SERPINF1: variants seen among roughly 807,000 people sequenced by gnomAD.
SERPINF1 encodes the protein serpin family F member 1, also known as pigment epithelium-derived factor.
A neutral mutation model predicts 37.3 loss-of-function variants in SERPINF1; 29 were observed. The ratio of observed to expected loss-of-function variants is 0.78; its 90% CI spans 0.58 to 1.06. The LOEUF (loss-of-function observed/expected upper bound fraction) is 1.06. SERPINF1 is among the 50% of genes least tolerant of loss of function. The pLI is 0.00. For missense variants in SERPINF1, 553 were observed against 532.2 expected (o/e 1.04, Z -0.38); for synonymous variants, 281 against 227.9 (o/e 1.23, Z -2.10).
chr17:1,771,460 G>A (rs1376044144), intron 4 of SERPINF1, among the ~76,000 whole-genome samples: 1 of 151,860 alleles, frequency 6.6e-6, no homozygotes, highest in Non-Finnish European at 1.5e-5. Flanking sequence ...GGATAGTCTC[G>A]ATCTCCTGAC....
chr17:1,776,902 G>A (rs952371774), intron 7 of SERPINF1, among the ~76,000 whole-genome samples, 160 bp downstream of exon 7: 2 of 151,344 alleles, frequency 1.3e-5, no homozygotes, highest in African/African-American at 4.9e-5. Flanking sequence ...AGGCTGAACT[G>A]CCTTCTCTCA....
intron 2 of SERPINF1, among the ~76,000 whole-genome samples, chr17:1,768,554 A>G (rs1445672248): frequency 1.3e-5 from 2 of 151,702 alleles, no homozygotes; most frequent in Admixed American, 6.6e-5. Flanking sequence ...GCTCACTGCA[A>G]TCTTGGCCTC....
At position 1,762,246 on chromosome 17, in the gene SERPINF1, C is replaced by G. The variant is rs571744776; in HGVS notation, c.-9+133C>G. 2.0e-5 allele frequency: 3 copies of G among 152,772 alleles called. No individual in the cohort carries two copies. The East Asian group carries it at 5.8e-4, about 29-fold the overall frequency. 9.5% of individuals were successfully genotyped at this position (152,772 alleles called of 1,614,324 possible). On this transcript the variant is annotated intron_variant, in intron 1 of 7. Transcript: ENST00000254722. ...GTGCAAGGGAGAGGAAATGCGGAGA[C>G]AGCAGCCCCTGCAATTTGGGCAAAA... is the stretch of plus-strand genomic sequence containing the variant.
At chr17:1,775,656 G>A (rs904616630) in intron 6 of SERPINF1, among the ~76,000 whole-genome samples, 9 of 150,834 alleles carry the variant, frequency 6.0e-5, no homozygotes, top group African/African-American at 2.0e-4. Context: ...CGATTCTCTT[G>A]CCTCAGCCTC....
intron 2 of SERPINF1, 92 bp from the exon 3 acceptor site, chr17:1,769,760 A>G: frequency 4.9e-6 from 7 of 1,429,958 alleles, no homozygotes; most frequent in Non-Finnish European, 4.9e-6. Context: ...AGGGGCCAGA[A>G]CCACCACCCT....
At chr17:1,775,374 G>GC (rs1652221900) in intron 6 of SERPINF1, among the ~76,000 whole-genome samples, 174 bp downstream of exon 6, 1 of 152,106 alleles carries the variant, frequency 6.6e-6, no homozygotes, top group African/African-American at 2.4e-5. Flanking sequence ...TTAAGATGGG[G>GC]CAGGGGATCG....
chr17:1,776,533 T>C lies in SERPINF1; in HGVS notation c.788T>C (p.Ile263Thr). 5.0e-6 allele frequency: 8 copies of C among 1,614,002 alleles called. No homozygotes were observed. Among genetic ancestry groups the C allele is most frequent in the South Asian group, 1.1e-5 (1 of 91,078 alleles). Reference sequence around the variant, plus strand: ...CACATGCTTTCTCACTTGTCTCAGATTGCCCAGCTGCCCTTGACCGGAAGC... The same window carrying C: ...CACATGCTTTCTCACTTGTCTCAGACTGCCCAGCTGCCCTTGACCGGAAGC... ...YGLDSDLSCK[I>T]AQLPLTGSMS... Residue 263 changes from isoleucine to threonine, a missense_variant and splice_region_variant, in exon 7 of 8, where the codon ATT becomes ACT. Transcript: ENST00000254722.
Position 1,769,966 on chromosome 17 carries a change from C to T in SERPINF1, c.199C>T (p.Arg67Trp), listed in dbSNP as rs764184658. 1.4e-5 allele frequency: 22 copies of T among 1,614,154 alleles called. No homozygotes were observed. Among genetic ancestry groups the T allele is most frequent in the Non-Finnish European group, 1.7e-5 (20 of 1,179,992 alleles). Reference protein sequence around the residue: ...AVSNFGYDLYRVRSSTSPTTN... With the variant: ...AVSNFGYDLYWVRSSTSPTTN... ...CTCCAACTTCGGCTATGACCTGTAC[C>T]GGGTGCGATCCAGCACGAGCCCCAC... Residue 67 changes from arginine to tryptophan, a missense_variant, in exon 3 of 8, where the codon CGG becomes TGG. Physicochemically the swap from Arg to Trp is moderately radical, Grantham distance 101 (BLOSUM62 -3). Coordinates refer to ENST00000254722, the MANE Select transcript of SERPINF1 (RefSeq NM_002615.7).
Position 1,771,046 on chromosome 17 carries a change from G to C in SERPINF1, c.301G>C (p.Glu101Gln), listed in dbSNP as rs765606146. 6.2e-7 allele frequency: 1 copy of C among 1,614,082 alleles called. No individual in the cohort carries two copies. The highest frequency in any genetic ancestry group is 1.1e-5 in the South Asian group (1 of 91,082). ...TCTGGCAGGAGCGGAGCAGCGAACA[G>C]AATCCATCATTCACCGGGCTCTCTA... is the stretch of plus-strand genomic sequence containing the variant. ...ALSLGAEQRT[E>Q]SIIHRALYYD... Residue 101 changes from glutamate to glutamine, a missense_variant, in exon 4 of 8, where the codon GAA becomes CAA. By Grantham distance (29) the Glu-to-Gln change is conservative (BLOSUM62 2). Transcript: ENST00000254722.
Position 1,775,208 on chromosome 17 carries a change from G to C in SERPINF1, c.786+8G>C. The C allele has an allele frequency of 6.2e-7, 1 of 1,612,590 alleles. No individual in the cohort carries two copies. On this transcript the variant is annotated splice_region_variant and intron_variant, in intron 6 of 7. Coordinates refer to ENST00000254722, the MANE Select transcript of SERPINF1 (RefSeq NM_002615.7). ...TCAGATCTCAGCTGCAAGGTCTGTAGGGATAGGGGCAGGGTGGGGGGTGGA... is the reference window on the plus strand; with the variant it reads ...TCAGATCTCAGCTGCAAGGTCTGTACGGATAGGGGCAGGGTGGGGGGTGGA...
At chr17:1,768,299 G>T (rs986610643) in intron 2 of SERPINF1, among the ~76,000 whole-genome samples, 6 of 151,486 alleles carry the variant, frequency 4.0e-5, no homozygotes, top group Non-Finnish European at 1.5e-5. Context: ...GGTGTGGTGG[G>T]GGGCGCCTGT....
intron 1 of SERPINF1, among the ~76,000 whole-genome samples, chr17:1,764,137 G>A (rs530568543): frequency 2.0e-5 from 3 of 152,324 alleles, no homozygotes; most frequent in South Asian, 4.1e-4. Flanking sequence ...AGCTGAGATC[G>A]CGCCACTGCA....
intron 4 of SERPINF1, among the ~76,000 whole-genome samples, chr17:1,771,454 A>G (rs921705827): frequency 5.9e-5 from 9 of 151,834 alleles, no homozygotes; most frequent in South Asian, 2.1e-4. Context: ...TTGCCAGGAT[A>G]GTCTCGATCT....
At chr17:1,764,676 C>A (rs1289913694) in intron 1 of SERPINF1, among the ~76,000 whole-genome samples, 4 of 152,196 alleles carry the variant, frequency 2.6e-5, no homozygotes, top group Non-Finnish European at 4.4e-5. Flanking sequence ...CGAGAGCCAA[C>A]AATCACACAA....
intron 6 of SERPINF1, 53 bp downstream of exon 6, chr17:1,775,253 A>T: frequency 1.3e-6 from 2 of 1,573,842 alleles, no homozygotes; most frequent in Non-Finnish European, 1.7e-6. Flanking sequence ...AGGATAGAGA[A>T]GCAAAACAGG....
Position 1,775,081 on chromosome 17 carries a change from T to G in SERPINF1, c.667T>G (p.Ser223Ala), listed in dbSNP as rs753135410. ...AGGGCAGTGGGTAACAAAGTTTGAC[T>G]CCAGAAAGACTTCCCTCGAGGATTT... The part of the protein sequence containing the change: ...FKGQWVTKFD[S>A]RKTSLEDFYL... The change falls in exon 6 of 8, where the codon TCC becomes GCC. Residue 223 changes from serine (S) to alanine (A), a missense_variant. Ser to Ala is a moderately conservative substitution (Grantham distance 99). Transcript: ENST00000254722. The G allele has an allele frequency of 6.2e-7, 1 of 1,614,074 alleles. No homozygotes were observed. Among genetic ancestry groups the G allele is most frequent in the Non-Finnish European group, 8.5e-7 (1 of 1,180,018 alleles).
In SERPINF1 at chr17:1,771,971, T is replaced by TC. The variant is rs1907770416; in HGVS notation, c.540dup (p.Asn181GlnfsTer22). The TC allele has an allele frequency of 6.2e-7, 1 of 1,613,246 alleles. No homozygotes were observed. The highest frequency in any genetic ancestry group is 8.5e-7 in the Non-Finnish European group (1 of 1,179,930). ...AACCCTCGCTTGGACCTGCAAGAGA[T>TC]CAACAACTGGGTGCAGGCGCAGATG... On this transcript the variant is annotated frameshift_variant, in exon 5 of 8. Transcript: ENST00000254722. LOFTEE classifies it high-confidence loss of function.
intron 1 of SERPINF1, among the ~76,000 whole-genome samples, chr17:1,762,435 C>T (rs1033651930): frequency 2.6e-5 from 4 of 152,184 alleles, no homozygotes; most frequent in Non-Finnish European, 4.4e-5. Context: ...GAAAGGGGAG[C>T]TAAGCTGCTG....
Position 1,775,077 on chromosome 17 carries a change from T to C in SERPINF1, c.663T>C (p.Phe221=). The change falls in exon 6 of 8, where the codon TTT becomes TTC. Residue 221 remains phenylalanine (F), a synonymous_variant. Coordinates refer to ENST00000254722, the MANE Select transcript of SERPINF1 (RefSeq NM_002615.7). ...AHFKGQWVTK[F]DSRKTSLEDF... ...TTCCAGGGCAGTGGGTAACAAAGTT[T>C]GACTCCAGAAAGACTTCCCTCGAGG... The C allele has an allele frequency of 6.2e-7, 1 of 1,614,134 alleles. No individual in the cohort carries two copies. The highest frequency in any genetic ancestry group is 8.5e-7 in the Non-Finnish European group (1 of 1,180,026).
Sources: gnomAD v4.1 joint callset for allele counts (sites outside exome capture counted in the v4.1 genomes callset) on GRCh38, gnomAD v4.1.1 for gene constraint, MANE v1.5 for transcripts, NCBI Gene and HGNC (gene_info 2026-07-23, HGNC 2026-07-21) for gene names.